Variants in SKI observed in about 807,000 individuals in gnomAD.
The protein encoded by SKI is SKI proto-oncogene.
A neutral mutation model predicts 59.3 loss-of-function variants in SKI; 23 were observed. The observed-to-expected ratio is 0.39, with a 90% CI of 0.28 to 0.55. The LOEUF is 0.55. SKI is among the 20% of genes least tolerant of loss of function. SKI has a pLI of 0.67. For missense variants in SKI, 1,017 were observed against 1,038.9 expected, an observed-to-expected ratio of 0.98 and a Z score of 0.29; for synonymous variants, 673 against 488.6, an observed-to-expected ratio of 1.38 and a Z score of -4.98.
intron 1 of SKI, among the ~76,000 whole-genome samples, chr1:2,234,917 A>T (rs1251475863): frequency 2.0e-5 from 3 of 152,114 alleles, no homozygotes; most frequent in Non-Finnish European, 2.9e-5. Flanking sequence ...CCAGGGTGTC[A>T]TGGAGGGGGG....
chr1:2,301,775 C>T (rs1006206829), intron 1 of SKI, among the ~76,000 whole-genome samples: 11 of 152,254 alleles, frequency 7.2e-5, no homozygotes, highest in African/African-American at 2.7e-4. Flanking sequence ...GGAGCCCCCA[C>T]CGCCCGACTT....
chr1:2,280,657 G>A (rs1303137782), intron 1 of SKI, among the ~76,000 whole-genome samples: 3 of 122,894 alleles, frequency 2.4e-5, no homozygotes, highest in Non-Finnish European at 5.1e-5. Flanking sequence ...GAGGACACCC[G>A]AGAAGACAGG....
chr1:2,291,404 A>T (rs1012050345), intron 1 of SKI, among the ~76,000 whole-genome samples: 1 of 152,158 alleles, frequency 6.6e-6, no homozygotes, highest in East Asian at 1.9e-4. Context: ...CTGGATGGGG[A>T]GGGTGAGAAG....
chr1:2,241,981 G>T (rs535788142), intron 1 of SKI, among the ~76,000 whole-genome samples: 2 of 152,146 alleles, frequency 1.3e-5, no homozygotes, highest in Non-Finnish European at 2.9e-5. Context: ...GCCTGTGTGT[G>T]CCTGTGTGTA....
intron 1 of SKI, among the ~76,000 whole-genome samples, chr1:2,279,894 A>T (rs1443415238): frequency 1.3e-5 from 2 of 152,102 alleles, no homozygotes; most frequent in African/African-American, 4.8e-5. Flanking sequence ...CAGTGAGGGG[A>T]ACTGGCCTGT....
At position 2,267,287 on chromosome 1, in the gene SKI, C is replaced by T. The variant is rs769008073; in HGVS notation, c.970-35691C>T. Among the ~76,000 whole-genome samples, 2 of 152,192 alleles carry T rather than the reference C, an allele frequency of 1.3e-5. No homozygotes were observed. The highest frequency in any genetic ancestry group is 2.9e-5 in the Non-Finnish European group (2 of 68,042). On this transcript the variant is annotated intron_variant, in intron 1 of 6. Coordinates refer to ENST00000378536, the MANE Select transcript of SKI (RefSeq NM_003036.4). The surrounding 1 kb of genome is among the most constrained non-coding windows in gnomAD (Gnocchi z 4.1). ...CAGCCGTCAGGAAAGGGGGGACTAG[C>T]ACGTACCACTCAGAATTCAGCTTGC... is the stretch of plus-strand genomic sequence containing the variant.
chr1:2,304,152 G>C, intron 4 of SKI, 50 bp downstream of exon 4: 1 of 1,605,394 alleles, frequency 6.2e-7, no homozygotes. Context: ...TGTGGGGGTG[G>C]CACTGGCTGA....
chr1:2,301,078 C>T (rs576834574), intron 1 of SKI, among the ~76,000 whole-genome samples: 25 of 152,286 alleles, frequency 1.6e-4, no homozygotes, highest in African/African-American at 5.8e-4. Flanking sequence ...ATAACTGAGC[C>T]GAATTTCCGC....
rs115320879 is a variant in SKI, at chr1:2,290,450, C to T, written c.970-12528C>T. 2.6e-3 allele frequency among the ~76,000 whole-genome samples: 401 copies of T among 152,316 alleles called. 2 individuals are homozygous for T. The highest frequency in any genetic ancestry group is 9.3e-3 in the African/African-American group (385 of 41,568). On this transcript the variant is annotated intron_variant, in intron 1 of 6. Transcript: ENST00000378536. ...ACCTCTCTGGCTGTTTGGTGCTGCA[C>T]GTGTTTCTGGGCATCTGAGATGAGG...
chr1:2,290,526 C>G (rs1035818449), intron 1 of SKI, among the ~76,000 whole-genome samples: 1 of 135,056 alleles, frequency 7.4e-6, no homozygotes, highest in Non-Finnish European at 1.7e-5. Context: ...AGCCCCAGAA[C>G]AACAGTTGGC....
At chr1:2,277,038 A>C (rs1639757633) in intron 1 of SKI, among the ~76,000 whole-genome samples, 2 of 152,112 alleles carry the variant, frequency 1.3e-5, no homozygotes, top group Non-Finnish European at 2.9e-5. Flanking sequence ...GCTTCCATGG[A>C]GCTGGGATTC....
In SKI at chr1:2,268,063, C is replaced by T. The variant is rs1056563221; in HGVS notation, c.970-34915C>T. On this transcript the variant is annotated intron_variant, in intron 1 of 6. Transcript: ENST00000378536. The surrounding 1 kb of genome is among the most constrained non-coding windows in gnomAD (Gnocchi z 5.0). Reference sequence around the variant, plus strand: ...CAGGTTCCCACAGGCCAGGGCACTCCCAACAGCACTGCGTGGAGCTGGTGC... The same window carrying T: ...CAGGTTCCCACAGGCCAGGGCACTCTCAACAGCACTGCGTGGAGCTGGTGC... Among the ~76,000 whole-genome samples, 44 of 152,176 alleles carry T rather than the reference C, an allele frequency of 2.9e-4. No individual in the cohort carries two copies. Among genetic ancestry groups the T allele is most frequent in the Admixed American group, 2.4e-3 (37 of 15,280 alleles).
In SKI at chr1:2,269,536, C is replaced by T. The variant is rs559163800; in HGVS notation, c.970-33442C>T. Among the ~76,000 whole-genome samples, 1 of 152,376 alleles carries T rather than the reference C, an allele frequency of 6.6e-6. No homozygotes were observed. Among genetic ancestry groups the T allele is most frequent in the East Asian group, 1.9e-4 (1 of 5,190 alleles). The stretch of plus-strand genomic sequence containing the variant: ...TGGGTTCATCCCCGTTCCAGGCCCG[C>T]ACTAGTGGCGCCTGGTTATCAGGTG... On this transcript the variant is annotated intron_variant, in intron 1 of 6. Transcript: ENST00000378536. The surrounding 1 kb of genome is among the most constrained non-coding windows in gnomAD (Gnocchi z 4.7).
At chr1:2,248,917 G>C (rs1014207215) in intron 1 of SKI, among the ~76,000 whole-genome samples, 1 of 152,206 alleles carries the variant, frequency 6.6e-6, no homozygotes. Flanking sequence ...CCCCTCTCCT[G>C]TTTGGAAGAG....
chr1:2,294,280 C>T (rs921968834), intron 1 of SKI, among the ~76,000 whole-genome samples: 4 of 152,156 alleles, frequency 2.6e-5, no homozygotes, highest in Admixed American at 6.5e-5. Context: ...CCGGGCAGGG[C>T]GACATTTCTA....
intron 5 of SKI, among the ~76,000 whole-genome samples, chr1:2,305,250 C>G (rs1026347778): frequency 2.0e-5 from 3 of 152,206 alleles, no homozygotes; most frequent in Admixed American, 6.5e-5. Context: ...TCTGACATGA[C>G]TGAGGGAAGT....
At chr1:2,234,021 G>A (rs907276415) in intron 1 of SKI, among the ~76,000 whole-genome samples, 6 of 152,176 alleles carry the variant, frequency 3.9e-5, no homozygotes, top group South Asian at 2.1e-4. Context: ...CCAGCTTTTC[G>A]TGGGGTTCCC....
intron 4 of SKI, 62 bp downstream of exon 4, chr1:2,304,164 G>A (rs1303678172): frequency 1.2e-6 from 2 of 1,601,278 alleles, no homozygotes; most frequent in African/African-American, 1.3e-5. Context: ...ACTGGCTGAG[G>A]GGGGCTGGTC....
At chr1:2,280,366 C>A (rs1049758425) in intron 1 of SKI, among the ~76,000 whole-genome samples, 5 of 145,042 alleles carry the variant, frequency 3.4e-5, no homozygotes, top group African/African-American at 1.3e-4. Flanking sequence ...ACAGAGCAAG[C>A]GTCTGTCTCA....
Sources: allele counts gnomAD v4.1 joint callset (sites outside exome capture counted in the v4.1 genomes callset), GRCh38; gene constraint gnomAD v4.1.1; non-coding constraint Gnocchi (gnomAD v3.1); transcripts MANE v1.5; gene names NCBI Gene and HGNC (gene_info 2026-07-23, HGNC 2026-07-21).